The following CREB5 variants were observed in gnomAD, a reference collection of about 807,000 sequenced individuals.
CREB5 encodes cAMP responsive element binding protein 5.
In CREB5, 19 loss-of-function variants were observed where a neutral mutation model predicts 57.1. The observed-to-expected ratio is 0.33, with a 90% CI of 0.23 to 0.49. The LOEUF is 0.49. CREB5 is among the 20% of genes least tolerant of loss of function. The pLI is 0.99. For synonymous variants in CREB5, 238 were observed against 238.3 expected (o/e 1.00, Z 0.01); for missense variants, 579 against 671.6 (o/e 0.86, Z 1.52).
chr7:28,767,822 C>T (rs1024783047), intron 7 of CREB5, among the ~76,000 whole-genome samples: 1 of 152,194 alleles, frequency 6.6e-6, no homozygotes, highest in African/African-American at 2.4e-5. Context: ...CCTCTTCAAC[C>T]TAAAAGTAGT....
At chr7:28,803,755 CAAAAAAA>C (rs562078960) in intron 7 of CREB5, among the ~76,000 whole-genome samples, 12 of 79,800 alleles carry the variant, frequency 1.5e-4, no homozygotes, top group Non-Finnish European at 2.2e-4. Flanking sequence ...GACTCCATCT[CAAAAAAA>C]AAAAAAAAAA....
At chr7:28,351,229 C>T in intron 1 of CREB5, among the ~76,000 whole-genome samples, 1 of 152,110 alleles carries the variant, frequency 6.6e-6, no homozygotes, top group East Asian at 1.9e-4. Flanking sequence ...GGAATAGCTT[C>T]CATTCCCCCA....
chr7:28,543,779 T>C (rs1484872957), intron 4 of CREB5, among the ~76,000 whole-genome samples: 1 of 151,772 alleles, frequency 6.6e-6, no homozygotes, highest in East Asian at 1.9e-4. Flanking sequence ...GTTATCACAG[T>C]GCCACGTTCC....
At chr7:28,736,231 G>A (rs981848699) in intron 7 of CREB5, among the ~76,000 whole-genome samples, 1 of 152,030 alleles carries the variant, frequency 6.6e-6, no homozygotes, top group Non-Finnish European at 1.5e-5. Context: ...GTACAGTGGT[G>A]TGATCTCGGC....
At chr7:28,550,039 A>G (rs187949334) in intron 4 of CREB5, among the ~76,000 whole-genome samples, 56 of 152,218 alleles carry the variant, frequency 3.7e-4, no homozygotes, top group African/African-American at 1.3e-3. Context: ...GCTCGAAGAT[A>G]TTTTATCCAT....
intron 1 of CREB5, among the ~76,000 whole-genome samples, chr7:28,445,702 C>T (rs959247959): frequency 3.9e-5 from 6 of 152,094 alleles, no homozygotes; most frequent in Non-Finnish European, 7.4e-5. Flanking sequence ...CAGGCGCCCG[C>T]CACCACGCCT....
At chr7:28,791,626 C>T (rs141825112) in intron 7 of CREB5, among the ~76,000 whole-genome samples, 1 of 152,140 alleles carries the variant, frequency 6.6e-6, no homozygotes, top group Admixed American at 6.5e-5. Context: ...GGGCAAGCTA[C>T]TATATATTAT....
intron 1 of CREB5, among the ~76,000 whole-genome samples, chr7:28,358,034 A>T (rs577366775): frequency 6.6e-6 from 1 of 152,252 alleles, no homozygotes; most frequent in South Asian, 2.1e-4. Flanking sequence ...TTCTACAGTG[A>T]AGGAGCTGGT....
intron 1 of CREB5, among the ~76,000 whole-genome samples, chr7:28,367,564 C>G (rs1786612482): frequency 1.3e-5 from 2 of 152,180 alleles, no homozygotes; most frequent in South Asian, 4.1e-4. Flanking sequence ...AATCCCAGCA[C>G]TTTGGGAAGC....
intron 1 of CREB5, among the ~76,000 whole-genome samples, chr7:28,383,650 A>G (rs981153314): frequency 2.0e-5 from 3 of 152,140 alleles, no homozygotes; most frequent in Admixed American, 6.5e-5. Context: ...CTCACTCACT[A>G]TTGTGAGTAC....
At chr7:28,654,696 A>G (rs1233539459) in intron 5 of CREB5, among the ~76,000 whole-genome samples, 2 of 152,232 alleles carry the variant, frequency 1.3e-5, no homozygotes, top group Admixed American at 6.5e-5. Context: ...TTCAAACTAA[A>G]GAATTATTGT....
intron 6 of CREB5, among the ~76,000 whole-genome samples, chr7:28,722,638 G>C (rs1425285630): frequency 9.9e-5 from 15 of 152,152 alleles, no homozygotes; most frequent in Non-Finnish European, 1.5e-5. Context: ...ATTTAGGGGG[G>C]TGCGTGGGAG....
Position 28,619,148 on chromosome 7 carries a change from CATT to C in CREB5, c.464+48615_464+48617del, listed in dbSNP as rs1372442852. 6.6e-5 allele frequency among the ~76,000 whole-genome samples: 10 copies of C among 152,308 alleles called. No individual in the cohort carries two copies. The East Asian group carries it at 1.9e-3, about 29-fold the overall frequency. On this transcript the variant is annotated intron_variant, in intron 5 of 10. Coordinates refer to ENST00000357727, the MANE Select transcript of CREB5 (RefSeq NM_182898.4). ...AATCATCTTATGAGGCAGATATCATCATTATTGTCCCCATTTTGCTGCTGAAGA... is the reference window on the plus strand; with the variant it reads ...AATCATCTTATGAGGCAGATATCATCATTGTCCCCATTTTGCTGCTGAAGA...
intron 5 of CREB5, among the ~76,000 whole-genome samples, chr7:28,611,589 C>T (rs1256739312): frequency 6.7e-6 from 1 of 149,206 alleles, no homozygotes; most frequent in East Asian, 2.0e-4. Flanking sequence ...GTATGAGAAT[C>T]GCTTGAACAC....
chr7:28,700,330 T>C (rs1801784146), intron 5 of CREB5, among the ~76,000 whole-genome samples: 1 of 152,134 alleles, frequency 6.6e-6, no homozygotes, highest in Non-Finnish European at 1.5e-5. Flanking sequence ...GACCATCCCC[T>C]GGAACCCCCG....
chr7:28,455,893 C>T (rs774505842), intron 1 of CREB5, among the ~76,000 whole-genome samples: 22 of 152,202 alleles, frequency 1.4e-4, no homozygotes, highest in Non-Finnish European at 2.9e-4. Context: ...GGGTAGAGAT[C>T]TGCATGCATT....
chr7:28,686,590 G>A lies in CREB5; in HGVS notation c.465-32163G>A, dbSNP rs545709116. ...GGCGAAGTTTCTTTGCTGCGGTGTC[G>A]CTCCTAATCGGAGGAGACAGGGAGA... On this transcript the variant is annotated intron_variant, in intron 5 of 10. Coordinates refer to ENST00000357727, the MANE Select transcript of CREB5 (RefSeq NM_182898.4). Among the ~76,000 whole-genome samples the A allele has an allele frequency of 3.0e-4, 46 of 152,278 alleles. 1 individual carries two copies. Among genetic ancestry groups the A allele is most frequent in the African/African-American group, 9.6e-4 (40 of 41,564 alleles).
At chr7:28,349,332 C>T (rs928674558) in intron 1 of CREB5, among the ~76,000 whole-genome samples, 4 of 152,054 alleles carry the variant, frequency 2.6e-5, no homozygotes, top group Non-Finnish European at 4.4e-5. Context: ...TTAGACAGAT[C>T]GAACAGTCTT....
intron 7 of CREB5, among the ~76,000 whole-genome samples, chr7:28,786,573 T>G (rs1322963609): frequency 1.3e-5 from 2 of 152,156 alleles, no homozygotes; most frequent in African/African-American, 4.8e-5. Flanking sequence ...TACTTTAATT[T>G]GAATATTTCC....
Sources: gnomAD v4.1 joint callset for allele counts (sites outside exome capture counted in the v4.1 genomes callset) on GRCh38, gnomAD v4.1.1 for gene constraint, MANE v1.5 for transcripts, NCBI Gene and HGNC (gene_info 2026-07-23, HGNC 2026-07-21) for gene names.